The following SYCP2L variants were observed in gnomAD, a reference collection of about 807,000 sequenced individuals.
SYCP2L encodes synaptonemal complex protein 2-like.
In SYCP2L, 98 loss-of-function variants were observed where a neutral mutation model predicts 125.8. The observed-to-expected ratio is 0.78, with a 90% CI of 0.66 to 0.92. The LOEUF is 0.92. Ranked by LOEUF, SYCP2L falls within the 40% of genes least tolerant of loss-of-function variation. The pLI, the probability that SYCP2L is intolerant of heterozygous loss-of-function variation, is 0.00. For synonymous variants in SYCP2L, 317 were observed against 325.4 expected (o/e 0.97, Z 0.28); for missense variants, 842 against 936.4 (o/e 0.90, Z 1.32).
At chr6:10,923,683 C>CTTTTTTT (rs372980518) in intron 14 of SYCP2L, among the ~76,000 whole-genome samples, 101 of 122,068 alleles carry the variant, frequency 8.3e-4, no homozygotes, top group Non-Finnish European at 9.9e-4. Flanking sequence ...TTTTCTTTTT[C>CTTTTTTT]TTTTTTTTTT....
intron 29 of SYCP2L, among the ~76,000 whole-genome samples, chr6:10,966,383 G>A (rs1047980554): frequency 4.6e-5 from 7 of 152,132 alleles, no homozygotes; most frequent in Non-Finnish European, 1.0e-4. Context: ...TAATAAAATA[G>A]TAGCGATTAG....
At chr6:10,933,155 A>G (rs986794945) in intron 20 of SYCP2L, among the ~76,000 whole-genome samples, 17 of 152,200 alleles carry the variant, frequency 1.1e-4, no homozygotes, top group African/African-American at 4.1e-4. Flanking sequence ...CTGGTATTCA[A>G]AAATATACTT....
At chr6:10,897,637 C>G in intron 4 of SYCP2L, among the ~76,000 whole-genome samples, 1 of 152,156 alleles carries the variant, frequency 6.6e-6, no homozygotes, top group Non-Finnish European at 1.5e-5. Context: ...GTCTTGAACT[C>G]CTGGCCTCAA....
chr6:10,962,622 A>T (rs1178485727), intron 28 of SYCP2L, among the ~76,000 whole-genome samples: 1 of 149,084 alleles, frequency 6.7e-6, no homozygotes, highest in African/African-American at 2.4e-5. Flanking sequence ...ACAGATTTTT[A>T]AAAATACACT....
At chr6:10,944,851 A>G (rs1487387900) in intron 23 of SYCP2L, among the ~76,000 whole-genome samples, 1 of 152,112 alleles carries the variant, frequency 6.6e-6, no homozygotes, top group Non-Finnish European at 1.5e-5. Context: ...AGTAGCTGGG[A>G]TTACAGGCAT....
intron 4 of SYCP2L, among the ~76,000 whole-genome samples, chr6:10,897,410 CTTTTTT>C (rs5874295): frequency 7.7e-6 from 1 of 129,858 alleles, no homozygotes; most frequent in African/African-American, 2.8e-5. Flanking sequence ...TCACTTATCT[CTTTTTT>C]TTTTTTTTTT....
At chr6:10,958,177 T>G (rs1222649592) in intron 25 of SYCP2L, among the ~76,000 whole-genome samples, 4 of 152,132 alleles carry the variant, frequency 2.6e-5, no homozygotes, top group Admixed American at 1.3e-4. Flanking sequence ...ATTCTTGAAT[T>G]GCTATAAATA....
chr6:10,900,222 G>A (rs1427560562), intron 6 of SYCP2L, among the ~76,000 whole-genome samples: 1 of 152,222 alleles, frequency 6.6e-6, no homozygotes, highest in Non-Finnish European at 1.5e-5. Flanking sequence ...GTACCAGCAT[G>A]GTTGGATTCT....
chr6:10,897,410 C>CTTTTTT (rs5874295), intron 4 of SYCP2L, among the ~76,000 whole-genome samples: 1 of 129,858 alleles, frequency 7.7e-6, no homozygotes, highest in Non-Finnish European at 1.7e-5. Flanking sequence ...TCACTTATCT[C>CTTTTTT]TTTTTTTTTT....
intron 2 of SYCP2L, 67 bp from the exon 3 acceptor site, chr6:10,893,798 CAG>C (rs1352630953): frequency 6.6e-7 from 1 of 1,505,056 alleles, no homozygotes; most frequent in African/African-American, 1.4e-5. Flanking sequence ...ATAATGAGAT[CAG>C]TTAGAAAATT....
chr6:10,905,142 C>CAAAAAAAAA (rs34659978), intron 8 of SYCP2L, among the ~76,000 whole-genome samples: 44 of 54,660 alleles, frequency 8.0e-4, no homozygotes, highest in East Asian at 1.2e-3. Context: ...GACTTGGTCT[C>CAAAAAAAAA]AAAAAAAAAA....
At position 10,895,585 on chromosome 6, in the gene SYCP2L, G is replaced by A. The variant is rs141250205; in HGVS notation, c.336+1381G>A. 1.5e-3 allele frequency among the ~76,000 whole-genome samples: 227 copies of A among 151,800 alleles called. 2 individuals are homozygous for A. Among genetic ancestry groups the A allele is most frequent in the South Asian group, 9.9e-3 (47 of 4,748 alleles). Reference sequence around the variant, plus strand: ...TACTGATAACGCTTGCTACCGTGGCGTGCCTGGGCATCTAACAAAGGCAAA... The same window carrying A: ...TACTGATAACGCTTGCTACCGTGGCATGCCTGGGCATCTAACAAAGGCAAA... On this transcript the variant is annotated intron_variant, in intron 4 of 29. Coordinates refer to ENST00000283141, the MANE Select transcript of SYCP2L (RefSeq NM_001040274.3).
Position 10,894,068 on chromosome 6 carries a change from GT to G in SYCP2L, c.217-16del, listed in dbSNP as rs1780218243. 2.5e-6 allele frequency: 4 copies of G among 1,604,750 alleles called. No individual in the cohort carries two copies. The highest frequency in any genetic ancestry group is 3.4e-6 in the Non-Finnish European group (4 of 1,177,736). On this transcript the variant is annotated splice_polypyrimidine_tract_variant and intron_variant, in intron 3 of 29. Coordinates refer to ENST00000283141, the MANE Select transcript of SYCP2L (RefSeq NM_001040274.3). ...AATTATTTATAAGTGTTTTAACTTAGTGTGGTTTATACCTAGGAACTAGATA... is the reference window on the plus strand; with the variant it reads ...AATTATTTATAAGTGTTTTAACTTAGGTGGTTTATACCTAGGAACTAGATA...
chr6:10,950,765 A>G (rs1192635589), intron 23 of SYCP2L, among the ~76,000 whole-genome samples: 2 of 152,062 alleles, frequency 1.3e-5, no homozygotes, highest in Admixed American at 6.6e-5. Flanking sequence ...GGCTTAAGCA[A>G]TCCTCCCACC....
intron 14 of SYCP2L, among the ~76,000 whole-genome samples, chr6:10,913,739 A>G (rs963316455): frequency 6.6e-6 from 1 of 151,958 alleles, no homozygotes; most frequent in Non-Finnish European, 1.5e-5. Context: ...CCAGCTATTT[A>G]TCTTTGTTTT....
chr6:10,926,514 C>A, intron 16 of SYCP2L, 82 bp downstream of exon 16: 1 of 1,100,560 alleles, frequency 9.1e-7, no homozygotes, highest in Non-Finnish European at 1.4e-6. Context: ...TCACTGGAAA[C>A]CTGTGGTCAT....
rs754316184 is a variant in SYCP2L at position 10,910,880 on chromosome 6, C to G, written c.918+11C>G. ...GCTGATGAGCATGAGGTATGTTCAT[C>G]CCTCTTGGAGGTCCTGAGGGCGGTG... is the stretch of plus-strand genomic sequence containing the variant. On this transcript the variant is annotated intron_variant, in intron 12 of 29. Coordinates refer to ENST00000283141, the MANE Select transcript of SYCP2L (RefSeq NM_001040274.3). 1 of 1,613,808 alleles carries G rather than the reference C, an allele frequency of 6.2e-7. No individual in the cohort carries two copies. Among genetic ancestry groups the G allele is most frequent in the South Asian group, 1.1e-5 (1 of 91,044 alleles).
chr6:10,909,800 C>T (rs569958499), intron 10 of SYCP2L, among the ~76,000 whole-genome samples: 11 of 152,232 alleles, frequency 7.2e-5, no homozygotes, highest in African/African-American at 1.9e-4. Flanking sequence ...CCCAATGGGT[C>T]GGTCAAATAT....
At chr6:10,956,049 ACT>A (rs1781498043) in intron 24 of SYCP2L, 85 bp from the exon 25 acceptor site, 2 of 1,087,696 alleles carry the variant, frequency 1.8e-6, no homozygotes, top group Non-Finnish European at 2.7e-6. Flanking sequence ...CTTCCAAATA[ACT>A]CATCCTCTGG....
Sources: allele counts gnomAD v4.1 joint callset (sites outside exome capture counted in the v4.1 genomes callset), GRCh38; gene constraint gnomAD v4.1.1; transcripts MANE v1.5; gene names NCBI Gene and HGNC (gene_info 2026-07-23, HGNC 2026-07-21).